The following PRELID2 variants were observed in gnomAD, a reference collection of about 807,000 sequenced individuals.
The protein encoded by PRELID2 is PRELI domain containing 2.
In PRELID2, 25 loss-of-function variants were observed where a neutral mutation model predicts 28.4. The ratio of observed to expected loss-of-function variants is 0.88; its 90% CI spans 0.64 to 1.23. The LOEUF (loss-of-function observed/expected upper bound fraction) is 1.23. Among genes scored for constraint, PRELID2 ranks in the 50% most tolerant of loss-of-function variants. The pLI is 0.00. For missense variants in PRELID2, 201 were observed against 214.4 expected, an observed-to-expected ratio of 0.94 and a Z score of 0.39; for synonymous variants, 76 against 71.6, an observed-to-expected ratio of 1.06 and a Z score of -0.31.
At chr5:145,829,879 T>C (rs1755467404) in intron 1 of PRELID2, among the ~76,000 whole-genome samples, 1 of 152,198 alleles carries the variant, frequency 6.6e-6, no homozygotes, top group Admixed American at 6.5e-5. Flanking sequence ...CTACTCTAAA[T>C]GGAAATAGCC....
the PRELID2 span, among the ~76,000 whole-genome samples, chr5:145,281,847 G>A: frequency 6.6e-6 from 1 of 152,092 alleles, no homozygotes. Context: ...ATAAATAATA[G>A]CTATTTATTT....
the PRELID2 span, among the ~76,000 whole-genome samples, chr5:145,466,572 T>G: frequency 6.6e-6 from 1 of 152,172 alleles, no homozygotes; most frequent in African/African-American, 2.4e-5. Flanking sequence ...AGGCAATAGA[T>G]AAATAGTTTA....
chr5:145,245,541 C>G, the PRELID2 span, among the ~76,000 whole-genome samples: 2 of 152,046 alleles, frequency 1.3e-5, no homozygotes, highest in African/African-American at 4.8e-5. Flanking sequence ...AGTTACAATT[C>G]CATTCCCTAG....
the PRELID2 span, among the ~76,000 whole-genome samples, chr5:145,466,749 A>G: frequency 7.9e-5 from 12 of 152,078 alleles, no homozygotes; most frequent in Non-Finnish European, 1.8e-4. Flanking sequence ...TTTCTGTCTA[A>G]GCAGGCCACT....
the PRELID2 span, among the ~76,000 whole-genome samples, chr5:145,453,710 C>T: frequency 5.3e-5 from 8 of 152,184 alleles, no homozygotes; most frequent in South Asian, 6.2e-4. Context: ...TGAGAACACG[C>T]GGTGTTTGGT....
At chr5:145,715,639 T>C in intron 1 of PRELID2, among the ~76,000 whole-genome samples, 1 of 152,128 alleles carries the variant, frequency 6.6e-6, no homozygotes, top group South Asian at 2.1e-4. Context: ...CTGCTCCCAC[T>C]TCACTCACCA....
the PRELID2 span, among the ~76,000 whole-genome samples, chr5:145,253,499 C>A: frequency 6.6e-6 from 1 of 152,036 alleles, no homozygotes; most frequent in African/African-American, 2.4e-5. Flanking sequence ...CATCTGACAT[C>A]CATGCTTTTT....
chr5:145,491,633 A>G (rs190238060), intron 1 of PRELID2, among the ~76,000 whole-genome samples: 14 of 152,236 alleles, frequency 9.2e-5, no homozygotes, highest in African/African-American at 3.1e-4. Flanking sequence ...ATATTGTACA[A>G]TAGATCTCTT....
chr5:145,334,596 G>A, the PRELID2 span, among the ~76,000 whole-genome samples: 2 of 152,024 alleles, frequency 1.3e-5, no homozygotes, highest in Non-Finnish European at 2.9e-5. Flanking sequence ...ACTCCCATAG[G>A]TTTTTACACT....
At chr5:145,460,470 G>T in the PRELID2 span, among the ~76,000 whole-genome samples, 1 of 152,024 alleles carries the variant, frequency 6.6e-6, no homozygotes, top group Middle Eastern at 3.4e-3. Flanking sequence ...TCCATACTTG[G>T]CTTCACTTGC....
intron 1 of PRELID2, among the ~76,000 whole-genome samples, chr5:145,534,854 A>G (rs1752686112): frequency 6.6e-6 from 1 of 152,032 alleles, no homozygotes; most frequent in Non-Finnish European, 1.5e-5. Context: ...GACTGTAACT[A>G]GAGCCAGCTC....
At chr5:145,421,259 G>C in the PRELID2 span, among the ~76,000 whole-genome samples, 2,276 of 147,266 alleles carry the variant, frequency 0.015, 42 homozygotes, top group African/African-American at 0.053. Context: ...AAATGAGTTA[G>C]GGAGGATTCC....
At chr5:145,369,509 T>C in the PRELID2 span, among the ~76,000 whole-genome samples, 1 of 152,146 alleles carries the variant, frequency 6.6e-6, no homozygotes, top group Non-Finnish European at 1.5e-5. Context: ...ATTTTCTTTA[T>C]CCAGTTTATA....
intron 1 of PRELID2, among the ~76,000 whole-genome samples, chr5:145,521,912 G>A (rs1047371461): frequency 6.6e-6 from 1 of 152,118 alleles, no homozygotes; most frequent in Non-Finnish European, 1.5e-5. Flanking sequence ...ATAGAAAGTT[G>A]CCCTGCTAGA....
chr5:145,782,858 G>A (rs984562868), intron 5 of PRELID2, among the ~76,000 whole-genome samples: 3 of 152,212 alleles, frequency 2.0e-5, no homozygotes, highest in Non-Finnish European at 4.4e-5. Flanking sequence ...AAGGAAGGGA[G>A]AGAGAATTTT....
intron 1 of PRELID2, among the ~76,000 whole-genome samples, chr5:145,523,188 T>C (rs1439975852): frequency 6.6e-6 from 1 of 152,228 alleles, no homozygotes; most frequent in Non-Finnish European, 1.5e-5. Flanking sequence ...TGGTTCTTTT[T>C]AGATGAGAAA....
At chr5:145,784,820 T>TA (rs1364911271) in intron 5 of PRELID2, among the ~76,000 whole-genome samples, 1 of 151,094 alleles carries the variant, frequency 6.6e-6, no homozygotes. Flanking sequence ...TACATATACA[T>TA]ACATTTGCAA....
chr5:145,570,110 T>G (rs1580980690), intron 1 of PRELID2, among the ~76,000 whole-genome samples: 1 of 152,200 alleles, frequency 6.6e-6, no homozygotes, highest in East Asian at 1.9e-4. Flanking sequence ...GTGTTCTCCC[T>G]GTGTGCATGT....
At chr5:145,417,582 G>C in the PRELID2 span, among the ~76,000 whole-genome samples, 1 of 152,144 alleles carries the variant, frequency 6.6e-6, no homozygotes, top group East Asian at 1.9e-4. Flanking sequence ...AGGATGCAAG[G>C]TTGGTTCAAC....
Sources: allele counts gnomAD v4.1 joint callset (sites outside exome capture counted in the v4.1 genomes callset), GRCh38; gene constraint gnomAD v4.1.1; transcripts MANE v1.5; gene names NCBI Gene and HGNC (gene_info 2026-07-23, HGNC 2026-07-21).